RRAS2: variants seen among roughly 807,000 people sequenced by gnomAD.
RRAS2 encodes the protein ras-related protein R-Ras2.
RRAS2 carries 7 observed loss-of-function variants against 27.6 expected under a neutral mutation model. That is an observed-to-expected ratio of 0.25 (90% CI 0.14 to 0.48). RRAS2 has a LOEUF of 0.48. Ranked by LOEUF, RRAS2 falls within the 20% of genes least tolerant of loss-of-function variation. The probability of loss-of-function intolerance (pLI) is 0.99; values close to 1 mark genes in which losing one functional copy is unlikely to be tolerated. For missense variants in RRAS2, 178 were observed against 256.2 expected (o/e 0.69, Z 2.08); for synonymous variants, 86 against 90.9 (o/e 0.95, Z 0.31).
At chr11:14,304,092 A>G (rs1268891851) in intron 1 of RRAS2, among the ~76,000 whole-genome samples, 2 of 152,188 alleles carry the variant, frequency 1.3e-5, no homozygotes, top group East Asian at 3.8e-4. Context: ...TTCTAAGTAC[A>G]AAGTGCTAAC....
intron 1 of RRAS2, among the ~76,000 whole-genome samples, chr11:14,312,454 C>A (rs1847994378): frequency 6.6e-6 from 1 of 152,200 alleles, no homozygotes; most frequent in Admixed American, 6.5e-5. Context: ...CAATCTTGCT[C>A]TGTTGCCCGC....
chr11:14,341,043 C>T (rs781581470), intron 1 of RRAS2, among the ~76,000 whole-genome samples: 4 of 152,104 alleles, frequency 2.6e-5, no homozygotes, highest in Non-Finnish European at 4.4e-5. Flanking sequence ...TTTCTAATCC[C>T]ATGATGAAAA....
chr11:14,301,831 T>G (rs1847713889), intron 1 of RRAS2, among the ~76,000 whole-genome samples: 1 of 151,770 alleles, frequency 6.6e-6, no homozygotes, highest in Non-Finnish European at 1.5e-5. Context: ...ATATAAAAAT[T>G]AGCTGGGCGT....
intron 2 of RRAS2, 82 bp downstream of exon 2, chr11:14,295,681 ATATAT>A (rs1294743582): frequency 6.8e-6 from 7 of 1,027,912 alleles, no homozygotes; most frequent in African/African-American, 6.4e-5. Context: ...AATATTTCAA[ATATAT>A]TATTTAACAT....
At chr11:14,364,057 C>T (rs572991242), upstream of RRAS2, among the ~76,000 whole-genome samples, 3 of 152,192 alleles carry the variant, frequency 2.0e-5, no homozygotes, top group South Asian at 2.1e-4. Context: ...GCAACAAGAG[C>T]GAAACTCTGT....
upstream of RRAS2, among the ~76,000 whole-genome samples, chr11:14,362,272 T>A (rs1332247085): frequency 6.6e-6 from 1 of 152,212 alleles, no homozygotes; most frequent in East Asian, 1.9e-4. Context: ...AATTGCAAGG[T>A]TTCATTTGAA....
At chr11:14,320,416 G>C (rs1848198598) in intron 1 of RRAS2, among the ~76,000 whole-genome samples, 1 of 152,210 alleles carries the variant, frequency 6.6e-6, no homozygotes, top group Non-Finnish European at 1.5e-5. Context: ...TTGACTCTGA[G>C]ACGGGAAAGT....
intron 1 of RRAS2, among the ~76,000 whole-genome samples, chr11:14,330,653 TAAAAA>T (rs71455836): frequency 6.6e-6 from 1 of 151,772 alleles, no homozygotes; most frequent in Non-Finnish European, 1.5e-5. Context: ...TAGTTAACAT[TAAAAA>T]AAATTTTTTT....
intron 1 of RRAS2, among the ~76,000 whole-genome samples, chr11:14,345,351 A>T (rs546398444): frequency 6.6e-6 from 1 of 152,220 alleles, no homozygotes; most frequent in African/African-American, 2.4e-5. Flanking sequence ...CTGTGTAACA[A>T]AGGTATTCCT....
Position 14,358,127 on chromosome 11 carries a change from A to T in RRAS2, c.108+636T>A, listed in dbSNP as rs746396366. On this transcript the variant is annotated intron_variant, in intron 1 of 5. Coordinates refer to ENST00000256196, the MANE Select transcript of RRAS2 (RefSeq NM_012250.6). This position sits in a 1 kb window ranked among gnomAD's most constrained non-coding sequence, Gnocchi z 5.1. The stretch of plus-strand genomic sequence containing the variant: ...TCCTAGGAAATGGTCTCACCCCATC[A>T]GAGAACATTTTTAACTTCCTAGAAG... 8.0e-4 allele frequency: 574 copies of T among 717,340 alleles called. No individual in the cohort carries two copies. Among genetic ancestry groups the T allele is most frequent in the Non-Finnish European group, 9.5e-4 (555 of 585,070 alleles). 44.4% of individuals were successfully genotyped at this position (717,340 alleles called of 1,614,324 possible). A position where few individuals can be genotyped will look rare whatever the true frequency, so the allele number is the denominator to read the frequency against.
intron 1 of RRAS2, among the ~76,000 whole-genome samples, chr11:14,314,309 A>G (rs2133987482): frequency 6.6e-6 from 1 of 152,334 alleles, no homozygotes; most frequent in Admixed American, 6.5e-5. Flanking sequence ...AACTACAAGG[A>G]GAGTTTTATT....
At chr11:14,318,617 T>C (rs978852585) in intron 1 of RRAS2, among the ~76,000 whole-genome samples, 2 of 152,160 alleles carry the variant, frequency 1.3e-5, no homozygotes, top group African/African-American at 4.8e-5. Flanking sequence ...GGAAGGCTCC[T>C]GAGCCCAGCC....
Position 14,326,734 on chromosome 11 carries a change from T to C in RRAS2, c.109-30879A>G, listed in dbSNP as rs183766788. 1.9e-3 allele frequency among the ~76,000 whole-genome samples: 282 copies of C among 152,182 alleles called. 2 individuals are homozygous for C. The highest frequency in any genetic ancestry group is 2.5e-3 in the Non-Finnish European group (173 of 67,988). ...GTCGTATCTTAAATCACTTATAACA[T>C]CAAAAAGAAAGTAAACATTTCAATC... is the stretch of plus-strand genomic sequence containing the variant. On this transcript the variant is annotated intron_variant, in intron 1 of 5. Coordinates refer to ENST00000256196, the MANE Select transcript of RRAS2 (RefSeq NM_012250.6).
At chr11:14,299,654 T>C (rs1554947116) in intron 1 of RRAS2, among the ~76,000 whole-genome samples, 1 of 152,172 alleles carries the variant, frequency 6.6e-6, no homozygotes, top group African/African-American at 2.4e-5. Flanking sequence ...ACTCACTCAT[T>C]TGTTCAGTGA....
chr11:14,303,072 C>T (rs2133973515), intron 1 of RRAS2, among the ~76,000 whole-genome samples: 2 of 152,286 alleles, frequency 1.3e-5, no homozygotes, highest in South Asian at 4.1e-4. Flanking sequence ...GCCCAAATCA[C>T]ATCTTGCTTT....
chr11:14,334,102 T>C (rs554266192), intron 1 of RRAS2, among the ~76,000 whole-genome samples: 2 of 152,358 alleles, frequency 1.3e-5, no homozygotes, highest in Admixed American at 1.3e-4. Context: ...TCAGAAAAAG[T>C]TACCTGGAAA....
chr11:14,359,786 G>T (rs368390341), upstream of RRAS2, among the ~76,000 whole-genome samples: 2 of 152,168 alleles, frequency 1.3e-5, no homozygotes. Context: ...GTGTGAGTGC[G>T]AGGGGTTGAA....
intron 4 of RRAS2, among the ~76,000 whole-genome samples, chr11:14,293,037 G>A (rs1478505931): frequency 2.0e-5 from 3 of 150,118 alleles, no homozygotes; most frequent in African/African-American, 7.4e-5. Flanking sequence ...GAACCCGGGA[G>A]GCAGAGCTTG....
In RRAS2 at chr11:14,358,531, C is replaced by G; in HGVS notation, c.108+232G>C. 1.0e-6 allele frequency: 1 copy of G among 986,272 alleles called. No individual in the cohort carries two copies. The highest frequency in any genetic ancestry group is 1.2e-6 in the Non-Finnish European group (1 of 830,696). The allele number at this position is 986,272 out of a possible 1,614,324, so 61.1% of individuals were successfully genotyped here. A position where few individuals can be genotyped will look rare whatever the true frequency, so the allele number is the denominator to read the frequency against. ...ACCCTTCCAGCTCCGCCCTCCCGAC[C>G]ACATTCCTGAGAAGCCCTACTCCCG... On this transcript the variant is annotated intron_variant, in intron 1 of 5. Transcript: ENST00000256196. The surrounding 1 kb of genome is among the most constrained non-coding windows in gnomAD (Gnocchi z 5.1).
Sources: gnomAD v4.1 joint callset for allele counts (sites outside exome capture counted in the v4.1 genomes callset) on GRCh38, gnomAD v4.1.1 for gene constraint, Gnocchi (gnomAD v3.1) non-coding constraint, MANE v1.5 for transcripts, NCBI Gene and HGNC (gene_info 2026-07-23, HGNC 2026-07-21) for gene names.